Variants in FAM185A observed in about 807,000 individuals in gnomAD.
The protein encoded by FAM185A is protein FAM185A.
Under a neutral mutation model 45.7 loss-of-function variants are expected in FAM185A, and 21 were observed. The ratio of observed to expected loss-of-function variants is 0.46; its 90% CI spans 0.33 to 0.66. FAM185A has a LOEUF of 0.66. FAM185A is among the 30% of genes least tolerant of loss of function. FAM185A has a pLI of 0.03. For synonymous variants in FAM185A, 117 were observed against 194.0 expected, an observed-to-expected ratio of 0.60 and a Z score of 3.30; for missense variants, 305 against 485.4, an observed-to-expected ratio of 0.63 and a Z score of 3.49.
At chr7:102,826,765 A>G in the FAM185A span, among the ~76,000 whole-genome samples, 24 of 114,828 alleles carry the variant, frequency 2.1e-4, no homozygotes, top group African/African-American at 6.3e-4. Flanking sequence ...ATATATATAT[A>G]TATATATGTA....
At chr7:102,821,909 A>C in the FAM185A span, 1 of 1,035,484 alleles carries the variant, frequency 9.7e-7, no homozygotes, top group Non-Finnish European at 1.4e-6. Flanking sequence ...AGCTTCAATT[A>C]GGCAAAAAAT....
intron 4 of FAM185A, among the ~76,000 whole-genome samples, chr7:102,772,036 G>A (rs1276443218): frequency 1.0e-4 from 15 of 143,892 alleles, no homozygotes; most frequent in African/African-American, 3.9e-4. Flanking sequence ...TTACTTGGTT[G>A]AAAACTTCGC....
downstream of FAM185A, among the ~76,000 whole-genome samples, chr7:102,814,097 T>C (rs7779454): frequency 7.1e-3 from 1,079 of 151,814 alleles, 9 homozygotes; most frequent in African/African-American, 0.025. Context: ...TGTTATAGTC[T>C]TTCTTAGCAG....
the FAM185A span, among the ~76,000 whole-genome samples, chr7:102,830,343 C>A: frequency 6.6e-6 from 1 of 152,178 alleles, no homozygotes; most frequent in South Asian, 2.1e-4. Context: ...TGCTTTATAG[C>A]CAGGGCAGTT....
the FAM185A span, among the ~76,000 whole-genome samples, chr7:102,826,404 C>T: frequency 1.3e-5 from 2 of 151,624 alleles, no homozygotes; most frequent in African/African-American, 2.4e-5. Context: ...TTTTTTAAAC[C>T]CCTGAACTGT....
chr7:102,776,046 CTCTT>C (rs76589126), intron 5 of FAM185A, among the ~76,000 whole-genome samples: 16,388 of 148,604 alleles, frequency 0.11, 1,019 homozygotes, highest in East Asian at 0.23. Context: ...CAAATTTACT[CTCTT>C]TGTTTGAAGT....
chr7:102,807,895 C>A (rs1017501162), intron 7 of FAM185A, among the ~76,000 whole-genome samples: 1 of 152,094 alleles, frequency 6.6e-6, no homozygotes, highest in Non-Finnish European at 1.5e-5. Flanking sequence ...CCCATCTCTA[C>A]CAAAAATACA....
At chr7:102,764,851 T>C (rs1320612718) in intron 4 of FAM185A, among the ~76,000 whole-genome samples, 1 of 152,176 alleles carries the variant, frequency 6.6e-6, no homozygotes, top group African/African-American at 2.4e-5. Context: ...AACATATAGA[T>C]GTTGTAAAAA....
chr7:102,830,023 G>A, the FAM185A span, among the ~76,000 whole-genome samples: 2 of 152,110 alleles, frequency 1.3e-5, no homozygotes, highest in African/African-American at 2.4e-5. Context: ...CTACTCCTTT[G>A]TATCAGCGTT....
At chr7:102,815,872 A>T in the FAM185A span, among the ~76,000 whole-genome samples, 7 of 152,316 alleles carry the variant, frequency 4.6e-5, no homozygotes, top group Admixed American at 1.3e-4. Flanking sequence ...ACATAAAACA[A>T]TTAGCAAGTA....
At chr7:102,780,819 CAG>C (rs1399307432) in intron 6 of FAM185A, among the ~76,000 whole-genome samples, 1 of 152,182 alleles carries the variant, frequency 6.6e-6, no homozygotes, top group Non-Finnish European at 1.5e-5. Flanking sequence ...GGGTGCAGGA[CAG>C]TGGGCGCAGC....
Position 102,807,387 on chromosome 7 carries a change from CT to C in FAM185A, c.1067-898del, listed in dbSNP as rs796477095. On this transcript the variant is annotated intron_variant, in intron 7 of 7. Coordinates refer to ENST00000413034, the MANE Select transcript of FAM185A (RefSeq NM_001145268.2). The stretch of plus-strand genomic sequence containing the variant: ...TTGTCAGTTATACTCCAGTAAAGCT[CT>C]TTTTAAAGACTGCATTTAAAAATAA... Among the ~76,000 whole-genome samples, 256 of 152,206 alleles carry C rather than the reference CT, an allele frequency of 1.7e-3. 1 individual carries two copies. Among genetic ancestry groups the C allele is most frequent in the African/African-American group, 5.7e-3 (236 of 41,518 alleles).
intron 5 of FAM185A, among the ~76,000 whole-genome samples, chr7:102,776,702 T>TAAAAAAAAAAAAAAAAAAA (rs72022042): frequency 5.2e-5 from 5 of 97,084 alleles, no homozygotes; most frequent in Admixed American, 1.1e-4. Flanking sequence ...ACCCTGTCTC[T>TAAAAAAAAAAAAAAAAAAA]AAAAAAAAAA....
chr7:102,773,556 C>T (rs1425917251), intron 5 of FAM185A, among the ~76,000 whole-genome samples: 1 of 151,860 alleles, frequency 6.6e-6, no homozygotes, highest in Admixed American at 6.6e-5. Flanking sequence ...ATATATTTTT[C>T]CTCTTGGGTA....
chr7:102,837,542 G>A, the FAM185A span, among the ~76,000 whole-genome samples: 4 of 152,242 alleles, frequency 2.6e-5, 1 homozygote, highest in African/African-American at 9.6e-5. Flanking sequence ...GAAGAGATGC[G>A]CTTTCAAATT....
At chr7:102,794,614 G>GA (rs1320937608) in intron 7 of FAM185A, among the ~76,000 whole-genome samples, 5 of 150,084 alleles carry the variant, frequency 3.3e-5, no homozygotes, top group South Asian at 2.1e-4. Context: ...TAAAAAAATA[G>GA]AAAAAAAAAG....
chr7:102,776,116 A>ACACATATACACACACACACACACAC (rs1198677194), intron 5 of FAM185A, among the ~76,000 whole-genome samples: 16 of 126,666 alleles, frequency 1.3e-4, no homozygotes, highest in African/African-American at 5.9e-4. Context: ...ACACACACAC[A>ACACATATACACACACACACACACAC]AATGTTTTCT....
chr7:102,785,161 T>G (rs893979970), intron 6 of FAM185A, among the ~76,000 whole-genome samples: 1 of 152,028 alleles, frequency 6.6e-6, no homozygotes, highest in Non-Finnish European at 1.5e-5. Flanking sequence ...TACAAACCAC[T>G]GCTCAATGAA....
intron 2 of FAM185A, among the ~76,000 whole-genome samples, chr7:102,753,139 G>T (rs950339305): frequency 1.3e-5 from 2 of 152,170 alleles, no homozygotes; most frequent in African/African-American, 4.8e-5. Flanking sequence ...TGTTGTAAAA[G>T]ATTGTGTAAT....
Sources: gnomAD v4.1 joint callset for allele counts (sites outside exome capture counted in the v4.1 genomes callset) on GRCh38, gnomAD v4.1.1 for gene constraint, MANE v1.5 for transcripts, NCBI Gene and HGNC (gene_info 2026-07-23, HGNC 2026-07-21) for gene names.